Variants in SUPT3H observed in about 807,000 individuals in gnomAD.
SUPT3H encodes transcription initiation protein SPT3 homolog.
In SUPT3H, 44 loss-of-function variants were observed where a neutral mutation model predicts 44.3. That is an observed-to-expected ratio of 0.99 (90% CI 0.78 to 1.28). The LOEUF is 1.28. Among genes scored for constraint, SUPT3H ranks in the 50% most tolerant of loss-of-function variants. The pLI, the probability that SUPT3H is intolerant of heterozygous loss-of-function variation, is 0.00. For synonymous variants in SUPT3H, 124 were observed against 125.6 expected (o/e 0.99, Z 0.09); for missense variants, 380 against 387.1 (o/e 0.98, Z 0.15).
At chr6:45,039,392 A>G (rs1474629958) in intron 3 of SUPT3H, among the ~76,000 whole-genome samples, 1 of 152,200 alleles carries the variant, frequency 6.6e-6, no homozygotes, top group East Asian at 1.9e-4. Flanking sequence ...GCAAAATGTC[A>G]AAATTGAAGG....
chr6:45,333,887 G>A (rs902488107), intron 2 of SUPT3H, among the ~76,000 whole-genome samples: 2 of 151,110 alleles, frequency 1.3e-5, no homozygotes, highest in Non-Finnish European at 3.0e-5. Context: ...AAAGATAAAT[G>A]TTTACCTTGA....
At chr6:45,015,017 T>C (rs1469174655) in intron 4 of SUPT3H, 126 bp from the exon 5 acceptor site, 5 of 472,754 alleles carry the variant, frequency 1.1e-5, no homozygotes, top group African/African-American at 1.0e-4. Context: ...AAAGTAATCC[T>C]TAGCATACTG....
At chr6:45,236,165 T>G (rs1769078018) in intron 2 of SUPT3H, among the ~76,000 whole-genome samples, 1 of 152,190 alleles carries the variant, frequency 6.6e-6, no homozygotes, top group Admixed American at 6.5e-5. Flanking sequence ...ACACGCTATA[T>G]TTGTGCATAT....
intron 2 of SUPT3H, among the ~76,000 whole-genome samples, chr6:45,247,061 A>G (rs1473239769): frequency 1.3e-5 from 2 of 152,032 alleles, no homozygotes; most frequent in East Asian, 3.8e-4. Flanking sequence ...CCAAGCACAA[A>G]GTACAAGAAG....
intron 7 of SUPT3H, among the ~76,000 whole-genome samples, chr6:44,959,235 A>T (rs1321456275): frequency 6.6e-6 from 1 of 152,102 alleles, no homozygotes; most frequent in African/African-American, 2.4e-5. Flanking sequence ...ATGTATATCA[A>T]AAAAAAGATA....
At chr6:45,179,211 A>T (rs1271357549) in intron 2 of SUPT3H, among the ~76,000 whole-genome samples, 2 of 152,234 alleles carry the variant, frequency 1.3e-5, no homozygotes, top group Non-Finnish European at 2.9e-5. Flanking sequence ...GACCAATAAC[A>T]GGAGCTGAAA....
intron 2 of SUPT3H, among the ~76,000 whole-genome samples, chr6:45,276,034 G>C (rs1776954745): frequency 6.6e-6 from 1 of 151,702 alleles, no homozygotes. Flanking sequence ...ATACCTGTCA[G>C]GTATGTATAT....
intron 2 of SUPT3H, among the ~76,000 whole-genome samples, chr6:45,131,826 A>G (rs1044157221): frequency 6.6e-6 from 1 of 152,194 alleles, no homozygotes; most frequent in Non-Finnish European, 1.5e-5. Flanking sequence ...ACAGTCCCCA[A>G]ATATTCAGGC....
intron 2 of SUPT3H, among the ~76,000 whole-genome samples, chr6:45,165,084 T>G (rs928079412): frequency 6.6e-6 from 1 of 151,944 alleles, no homozygotes; most frequent in Non-Finnish European, 1.5e-5. Flanking sequence ...CTGTCCCCAC[T>G]GCAAGGCTCA....
chr6:44,974,936 C>T (rs544060692), intron 6 of SUPT3H, among the ~76,000 whole-genome samples: 13 of 152,116 alleles, frequency 8.5e-5, no homozygotes, highest in Admixed American at 2.6e-4. Flanking sequence ...ATTGGGAGGC[C>T]GAGGCAGGTG....
In SUPT3H at chr6:45,068,428, C is replaced by T. The variant is rs1793791906; in HGVS notation, c.186+37494G>A. 9.5e-5 allele frequency among the ~76,000 whole-genome samples: 14 copies of T among 147,058 alleles called. No individual in the cohort carries two copies. The South Asian group carries it at 3.1e-3, about 32-fold the overall frequency. On this transcript the variant is annotated intron_variant, in intron 3 of 10. Coordinates refer to ENST00000371459, the MANE Select transcript of SUPT3H (RefSeq NM_003599.4). ...TGTATACATATGTAACTAACCTGCA[C>T]AATGTGCACATGTACCCTAAAACTT...
intron 2 of SUPT3H, among the ~76,000 whole-genome samples, chr6:45,123,365 CATTT>C (rs939783370): frequency 2.0e-5 from 3 of 150,400 alleles, no homozygotes; most frequent in African/African-American, 7.3e-5. Context: ...TAAATTGTAT[CATTT>C]ATTTCTTTTT....
intron 6 of SUPT3H, among the ~76,000 whole-genome samples, chr6:44,984,046 GAATA>G (rs1366709176): frequency 6.6e-6 from 1 of 152,168 alleles, no homozygotes; most frequent in Non-Finnish European, 1.5e-5. Context: ...GTGGATGAAT[GAATA>G]GAGGGTCTAA....
intron 11 of SUPT3H, among the ~76,000 whole-genome samples, chr6:44,812,274 T>C (rs978900455): frequency 1.6e-4 from 25 of 152,102 alleles, no homozygotes; most frequent in Non-Finnish European, 2.9e-4. Context: ...TTCAGATTGT[T>C]GGGAGAACTC....
At chr6:45,092,672 C>A (rs1429651144) in intron 3 of SUPT3H, among the ~76,000 whole-genome samples, 1 of 148,456 alleles carries the variant, frequency 6.7e-6, no homozygotes, top group Non-Finnish European at 1.5e-5. Flanking sequence ...ATTACTTGAA[C>A]CTGTGAGTTG....
intron 9 of SUPT3H, among the ~76,000 whole-genome samples, chr6:44,934,383 C>T (rs1771079808): frequency 6.6e-6 from 1 of 152,132 alleles, no homozygotes; most frequent in Non-Finnish European, 1.5e-5. Context: ...AATAAATTAT[C>T]CATTCAAAGA....
chr6:44,897,643 C>T lies in SUPT3H; in HGVS notation c.912+35010G>A, dbSNP rs115866650. Among the ~76,000 whole-genome samples the T allele has an allele frequency of 4.7e-3, 721 of 152,328 alleles. 9 individuals carry two copies. The highest frequency in any genetic ancestry group is 0.016 in the African/African-American group (673 of 41,580). On this transcript the variant is annotated intron_variant, in intron 10 of 10. Transcript: ENST00000371459. ...TTAGCTCTCTGTACAATATTCTCCA[C>T]ATCCTAGGAACTCCAGAAATTAATC...
chr6:45,087,600 G>A (rs189967683), intron 3 of SUPT3H, among the ~76,000 whole-genome samples: 10 of 151,784 alleles, frequency 6.6e-5, no homozygotes, highest in Admixed American at 5.9e-4. Flanking sequence ...AGTGTCCCTA[G>A]TTTTATGAAA....
chr6:44,898,252 T>C (rs576228860), intron 10 of SUPT3H, among the ~76,000 whole-genome samples: 1 of 152,318 alleles, frequency 6.6e-6, no homozygotes, highest in East Asian at 1.9e-4. Flanking sequence ...CCCTTATGTA[T>C]AGTTCCTTCC....
Sources: gnomAD v4.1 joint callset for allele counts (sites outside exome capture counted in the v4.1 genomes callset) on GRCh38, gnomAD v4.1.1 for gene constraint, MANE v1.5 for transcripts, NCBI Gene and HGNC (gene_info 2026-07-23, HGNC 2026-07-21) for gene names.